The following MLLT10 variants were observed in gnomAD, a reference collection of about 807,000 sequenced individuals.
MLLT10 encodes protein AF-10.
Under a neutral mutation model 129.1 loss-of-function variants are expected in MLLT10, and 30 were observed. The ratio of observed to expected loss-of-function variants is 0.23; its 90% CI spans 0.17 to 0.32. The LOEUF is 0.32. Ranked by LOEUF, MLLT10 falls within the 10% of genes least tolerant of loss-of-function variation. The pLI is 1.00. For synonymous variants in MLLT10, 490 were observed against 446.4 expected (o/e 1.10, Z -1.23); for missense variants, 1,119 against 1,268.3 (o/e 0.88, Z 1.79).
intron 3 of MLLT10, among the ~76,000 whole-genome samples, chr10:21,539,600 C>T (rs932980436): frequency 2.0e-5 from 3 of 151,514 alleles, no homozygotes; most frequent in Admixed American, 6.6e-5. Flanking sequence ...GGTGAAACCC[C>T]GTCTCTACTA....
intron 8 of MLLT10, chr10:21,624,578 C>G (rs192010480): frequency 6.4e-4 from 865 of 1,350,348 alleles, no homozygotes; most frequent in Non-Finnish European, 6.4e-4. Flanking sequence ...CATTTTCAAG[C>G]CCTTACTTGT....
At chr10:21,717,828 TCTC>T (rs1187377956) in intron 14 of MLLT10, among the ~76,000 whole-genome samples, 5 of 113,052 alleles carry the variant, frequency 4.4e-5, no homozygotes, top group East Asian at 5.6e-4. Context: ...TTCTCCTCCT[TCTC>T]CTCCTCCTTC....
intron 13 of MLLT10, among the ~76,000 whole-genome samples, chr10:21,699,506 C>T (rs2054691141): frequency 6.6e-6 from 1 of 151,922 alleles, no homozygotes; most frequent in Admixed American, 6.6e-5. Context: ...TTTATACTTT[C>T]AGGTCTTATG....
intron 8 of MLLT10, among the ~76,000 whole-genome samples, chr10:21,642,096 A>T (rs962605908): frequency 3.3e-5 from 5 of 152,254 alleles, no homozygotes; most frequent in African/African-American, 1.2e-4. Flanking sequence ...CACGCCTGTA[A>T]TCCCAGCACT....
At chr10:21,634,534 C>T (rs529233589) in intron 8 of MLLT10, among the ~76,000 whole-genome samples, 1 of 152,322 alleles carries the variant, frequency 6.6e-6, no homozygotes, top group South Asian at 2.1e-4. Context: ...TGAGATATTA[C>T]TTGAGGCTTT....
chr10:21,535,903 C>T (rs2033891570), intron 2 of MLLT10, among the ~76,000 whole-genome samples: 1 of 152,200 alleles, frequency 6.6e-6, no homozygotes, highest in Admixed American at 6.5e-5. Flanking sequence ...AGTGTACTTA[C>T]TCTGAGAATG....
At chr10:21,717,852 T>TCTCCTCCTCCTC (rs1274636953) in intron 14 of MLLT10, among the ~76,000 whole-genome samples, 1 of 76,926 alleles carries the variant, frequency 1.3e-5, no homozygotes, top group African/African-American at 5.2e-5. Context: ...TCCTCCTCCT[T>TCTCCTCCTCCTC]CTCCTCCTCC....
chr10:21,681,589 T>C (rs2052743015), intron 12 of MLLT10, among the ~76,000 whole-genome samples: 2 of 152,066 alleles, frequency 1.3e-5, no homozygotes, highest in East Asian at 1.9e-4. Flanking sequence ...ATTTTAATTA[T>C]TGTTGGTCTT....
chr10:21,688,612 C>T, intron 13 of MLLT10: 12 of 1,302,900 alleles, frequency 9.2e-6, no homozygotes, highest in South Asian at 3.8e-5. Context: ...GGAAACCTTC[C>T]CATACAAACC....
At chr10:21,728,059 G>C (rs2057662118) in intron 16 of MLLT10, 131 bp downstream of exon 16, 1 of 622,054 alleles carries the variant, frequency 1.6e-6, no homozygotes, top group Non-Finnish European at 2.8e-6. Flanking sequence ...AGCATGTCTA[G>C]ACAAGAAAAA....
intron 2 of MLLT10, among the ~76,000 whole-genome samples, chr10:21,535,695 C>CT (rs2130878233): frequency 6.6e-6 from 1 of 152,286 alleles, no homozygotes; most frequent in South Asian, 2.1e-4. Flanking sequence ...AGTCTATATT[C>CT]TTTTTTGGTG....
chr10:21,535,434 A>T (rs1366265832), intron 2 of MLLT10, among the ~76,000 whole-genome samples: 1 of 151,920 alleles, frequency 6.6e-6, no homozygotes, highest in Non-Finnish European at 1.5e-5. Flanking sequence ...TCCGTTGCTG[A>T]CCATGCGGGA....
At chr10:21,613,997 G>T (rs1052050858) in intron 6 of MLLT10, among the ~76,000 whole-genome samples, 1 of 151,860 alleles carries the variant, frequency 6.6e-6, no homozygotes, top group East Asian at 1.9e-4. Context: ...AAGGTGGGAG[G>T]ATCGCTTGAG....
intron 22 of MLLT10, among the ~76,000 whole-genome samples, chr10:21,740,665 T>C (rs1023622794): frequency 7.9e-5 from 12 of 152,240 alleles, no homozygotes; most frequent in African/African-American, 2.7e-4. Flanking sequence ...AATCCAATAA[T>C]TCTACCAGAT....
intron 1 of MLLT10, 25 bp downstream of exon 1, chr10:21,534,545 CCGGGCGGGGGGCGCCGGGG>C: frequency 3.7e-6 from 5 of 1,334,424 alleles, no homozygotes; most frequent in South Asian, 1.5e-5. Flanking sequence ...GGCTGCCGGG[CCGGGCGGGGGGCGCCGGGG>C]CGGGCTCGGG....
chr10:21,603,532 A>G (rs2043763352), intron 5 of MLLT10, among the ~76,000 whole-genome samples: 1 of 152,180 alleles, frequency 6.6e-6, no homozygotes, highest in Non-Finnish European at 1.5e-5. Context: ...CAAATATATA[A>G]AACAGTAAGC....
chr10:21,735,369 G>C, intron 21 of MLLT10, 134 bp downstream of exon 21: 1 of 711,074 alleles, frequency 1.4e-6, no homozygotes, highest in Middle Eastern at 3.4e-4. Flanking sequence ...CTTGCCATGT[G>C]GTACAGGCTG....
chr10:21,616,273 T>A (rs1047058972), intron 7 of MLLT10, among the ~76,000 whole-genome samples: 1 of 152,152 alleles, frequency 6.6e-6, no homozygotes, highest in Non-Finnish European at 1.5e-5. Flanking sequence ...TTTTGAAGTT[T>A]GTGCAAATAG....
chr10:21,558,591 G>T (rs1482931355), intron 3 of MLLT10, among the ~76,000 whole-genome samples: 2 of 149,704 alleles, frequency 1.3e-5, no homozygotes, highest in South Asian at 2.1e-4. Flanking sequence ...TTGCTATGTT[G>T]CCCAGGCTGG....
Sources: allele counts gnomAD v4.1 joint callset (sites outside exome capture counted in the v4.1 genomes callset), GRCh38; gene constraint gnomAD v4.1.1; transcripts MANE v1.5; gene names NCBI Gene and HGNC (gene_info 2026-07-23, HGNC 2026-07-21).